The following DMXL1 variants were observed in gnomAD, a reference collection of about 807,000 sequenced individuals.
The protein encoded by DMXL1 is dmX-like protein 1.
DMXL1 carries 99 observed loss-of-function variants against 319.2 expected under a neutral mutation model. The ratio of observed to expected loss-of-function variants is 0.31; its 90% confidence interval spans 0.26 to 0.37. The LOEUF is 0.37. Among genes scored for constraint, DMXL1 ranks in the 10% least tolerant of loss-of-function variants. The pLI is 1.00. For synonymous variants in DMXL1, 1,385 were observed against 1,235.2 expected (o/e 1.12, Z -2.54); for missense variants, 3,745 against 3,595.6 (o/e 1.04, Z -1.06).
Position 119,167,642 on chromosome 5 carries a change from G to C in DMXL1, c.5176G>C (p.Val1726Leu). 6.2e-7 allele frequency: 1 copy of C among 1,609,590 alleles called. No homozygotes were observed. The highest frequency in any genetic ancestry group is 8.5e-7 in the Non-Finnish European group (1 of 1,177,600). The stretch of plus-strand genomic sequence containing the variant: ...ATTGAATGACATTCAGTTGGCTCTT[G>C]TAATAGCAAGACTCTATGAGTCTGA... ...EKLNDIQLAL[V>L]IARLYESEFD... Residue 1726 changes from valine (V) to leucine (L), a missense_variant, in exon 23 of 44, where the codon GTA becomes CTA. By Grantham distance (32) the Val-to-Leu change is conservative. Around this residue, in one of 4 missense-constraint regions of DMXL1, gnomAD observed 1,382 missense variants for 1,269.5 expected, o/e 1.09. Coordinates refer to ENST00000539542, the MANE Select transcript of DMXL1 (RefSeq NM_001290321.3).
intron 10 of DMXL1, among the ~76,000 whole-genome samples, chr5:119,130,368 G>A (rs1463046456): frequency 1.3e-5 from 2 of 151,384 alleles, no homozygotes; most frequent in Middle Eastern, 3.4e-3. Flanking sequence ...TTTTTGATGG[G>A]GTCTTGCTCT....
At chr5:119,101,524 C>T (rs1757277387) in intron 2 of DMXL1, among the ~76,000 whole-genome samples, 1 of 152,062 alleles carries the variant, frequency 6.6e-6, no homozygotes, top group South Asian at 2.1e-4. Context: ...AGGAATAGAC[C>T]TAAGTTATAT....
At chr5:119,193,733 T>C in intron 29 of DMXL1, 95 bp from the exon 30 acceptor site, 1 of 1,194,210 alleles carries the variant, frequency 8.4e-7, no homozygotes. Flanking sequence ...TAATGAAGTA[T>C]CTGCAAATGA....
At chr5:119,120,766 A>C (rs1196408555) in intron 8 of DMXL1, among the ~76,000 whole-genome samples, 2 of 152,252 alleles carry the variant, frequency 1.3e-5, no homozygotes, top group East Asian at 3.8e-4. Context: ...ACTTTAAGTC[A>C]TAACTTTATT....
At chr5:119,116,052 C>T (rs1042888710) in intron 6 of DMXL1, 106 bp from the exon 7 acceptor site, 62 of 1,014,536 alleles carry the variant, frequency 6.1e-5, no homozygotes, top group Non-Finnish European at 8.5e-5. Flanking sequence ...CGTCTCTTCC[C>T]ATCCCCAAGT....
intron 10 of DMXL1, 144 bp downstream of exon 10, chr5:119,129,567 A>G: frequency 8.0e-6 from 5 of 621,310 alleles, no homozygotes; most frequent in African/African-American, 1.8e-5. Flanking sequence ...TAATAATCTA[A>G]TGTAGATATT....
At position 119,183,265 on chromosome 5, in the gene DMXL1, CAT is replaced by C. The variant is rs565544152; in HGVS notation, c.7135+5022_7135+5023del. 3.4e-3 allele frequency among the ~76,000 whole-genome samples: 521 copies of C among 152,292 alleles called. 2 individuals are homozygous for C. The highest frequency in any genetic ancestry group is 0.012 in the African/African-American group (484 of 41,562). On this transcript the variant is annotated intron_variant, in intron 28 of 43. Coordinates refer to ENST00000539542, the MANE Select transcript of DMXL1 (RefSeq NM_001290321.3). ...TGTATTCAGTAGTCAGTGATTATCA[CAT>C]GTCATTGCTAACATTCCTTTAGCAA...
At chr5:119,164,472 A>G in intron 19 of DMXL1, 35 bp from the exon 20 acceptor site, 3 of 1,570,186 alleles carry the variant, frequency 1.9e-6, no homozygotes, top group Non-Finnish European at 2.6e-6. Context: ...GCATATTTAT[A>G]ATTCTTATAA....
At chr5:119,126,576 CG>C (rs1426234134) in intron 9 of DMXL1, among the ~76,000 whole-genome samples, 2 of 152,070 alleles carry the variant, frequency 1.3e-5, no homozygotes, top group Non-Finnish European at 2.9e-5. Flanking sequence ...TGCCCAACAC[CG>C]TGGACAATTC....
At chr5:119,110,326 C>G (rs1561603333) in intron 5 of DMXL1, 43 bp downstream of exon 5, 3 of 1,464,422 alleles carry the variant, frequency 2.0e-6, no homozygotes, top group East Asian at 5.1e-5. Context: ...ACCTGTTGTT[C>G]TATGTGGTTT....
At chr5:119,173,872 G>A (rs1775253373) in intron 25 of DMXL1, among the ~76,000 whole-genome samples, 1 of 148,294 alleles carries the variant, frequency 6.7e-6, no homozygotes, top group Non-Finnish European at 1.5e-5. Flanking sequence ...ATCTGCAGTT[G>A]GCAAGTTGGA....
At chr5:119,173,845 G>C (rs1775245071) in intron 25 of DMXL1, among the ~76,000 whole-genome samples, 1 of 142,910 alleles carries the variant, frequency 7.0e-6, no homozygotes, top group Non-Finnish European at 1.5e-5. Context: ...TGGTTTTGGA[G>C]GCTGAAAAGT....
At position 119,229,456 on chromosome 5, in the gene DMXL1, CAT is replaced by C. The variant is rs528430080; in HGVS notation, c.8339-3881_8339-3880del. ...TTTTAATAACATATATAAATACACA[CAT>C]ATTAGCCAGCTTGGCCACACATAAA... On this transcript the variant is annotated intron_variant, in intron 38 of 43. Transcript: ENST00000539542. Among the ~76,000 whole-genome samples, 801 of 152,236 alleles carry C rather than the reference CAT, an allele frequency of 5.3e-3. 6 individuals are homozygous for C. The highest frequency in any genetic ancestry group is 0.018 in the African/African-American group (741 of 41,542).
intron 17 of DMXL1, 51 bp from the exon 18 acceptor site, chr5:119,148,686 CAG>C: frequency 6.5e-7 from 1 of 1,536,946 alleles, no homozygotes; most frequent in African/African-American, 1.4e-5. Flanking sequence ...TACATAAAAA[CAG>C]AAGTATTTAA....
intron 38 of DMXL1, among the ~76,000 whole-genome samples, chr5:119,228,565 C>T (rs1015461968): frequency 2.0e-5 from 3 of 152,040 alleles, no homozygotes; most frequent in Non-Finnish European, 2.9e-5. Context: ...AAGGTATCAC[C>T]GTTATTTGAC....
intron 41 of DMXL1, among the ~76,000 whole-genome samples, chr5:119,239,313 A>G (rs1414625013): frequency 6.6e-6 from 1 of 152,104 alleles, no homozygotes; most frequent in Non-Finnish European, 1.5e-5. Context: ...TTTCTGTTAT[A>G]TAACTGAGTT....
chr5:119,082,703 T>A (rs561083162), intron 1 of DMXL1, among the ~76,000 whole-genome samples: 1 of 152,384 alleles, frequency 6.6e-6, no homozygotes, highest in Non-Finnish European at 1.5e-5. Context: ...GCACCTTAAA[T>A]ATTTGTGTTT....
chr5:119,107,590 A>C (rs991876184), intron 4 of DMXL1, among the ~76,000 whole-genome samples: 4 of 152,190 alleles, frequency 2.6e-5, no homozygotes, highest in Admixed American at 2.0e-4. Context: ...TCAGTATACC[A>C]TATTATATCT....
chr5:119,188,623 A>C (rs2150364958), intron 28 of DMXL1, among the ~76,000 whole-genome samples: 1 of 152,356 alleles, frequency 6.6e-6, no homozygotes, highest in Admixed American at 6.5e-5. Flanking sequence ...TGTTAGTAAG[A>C]ACAAAGAAAA....
Sources: allele counts gnomAD v4.1 joint callset (sites outside exome capture counted in the v4.1 genomes callset), GRCh38; gene constraint gnomAD v4.1.1; regional missense constraint gnomAD v4.1.1; transcripts MANE v1.5; gene names NCBI Gene and HGNC (gene_info 2026-07-23, HGNC 2026-07-21).